The following CD2AP variants were observed in gnomAD, a reference collection of about 807,000 sequenced individuals.
CD2AP encodes the protein CD2 associated protein, also known as CD2-associated protein.
CD2AP carries 46 observed loss-of-function variants against 85.1 expected under a neutral mutation model. The observed-to-expected ratio is 0.54, with a 90% CI of 0.43 to 0.69. CD2AP has a LOEUF of 0.69. CD2AP is among the 30% of genes least tolerant of loss of function. The pLI, the probability that CD2AP is intolerant of heterozygous loss-of-function variation, is 0.00. For missense variants in CD2AP, 769 were observed against 729.5 expected, an observed-to-expected ratio of 1.05 and a Z score of -0.62; for synonymous variants, 255 against 252.9, an observed-to-expected ratio of 1.01 and a Z score of -0.08.
intron 1 of CD2AP, among the ~76,000 whole-genome samples, chr6:47,485,615 A>G (rs1380039970): frequency 3.3e-5 from 5 of 152,178 alleles, no homozygotes; most frequent in African/African-American, 4.8e-5. Context: ...TATGGTGTTT[A>G]TAAAATCTAT....
At chr6:47,622,633 C>T (rs945817796) in intron 17 of CD2AP, among the ~76,000 whole-genome samples, 2 of 152,114 alleles carry the variant, frequency 1.3e-5, no homozygotes, top group East Asian at 1.9e-4. Context: ...GGTGTGTGTT[C>T]GGGAGAGGAG....
intron 2 of CD2AP, among the ~76,000 whole-genome samples, chr6:47,528,806 T>C (rs1434973238): frequency 6.6e-6 from 1 of 152,178 alleles, no homozygotes; most frequent in Non-Finnish European, 1.5e-5. Flanking sequence ...CTAGGAGAGA[T>C]CACAGAGATT....
At chr6:47,556,356 C>T (rs938256618) in intron 5 of CD2AP, among the ~76,000 whole-genome samples, 1 of 151,240 alleles carries the variant, frequency 6.6e-6, no homozygotes, top group African/African-American at 2.4e-5. Context: ...TTTCCAGCTT[C>T]ATTCATGACC....
intron 2 of CD2AP, among the ~76,000 whole-genome samples, chr6:47,532,651 A>G (rs552306816): frequency 1.1e-4 from 16 of 152,076 alleles, no homozygotes; most frequent in South Asian, 6.2e-4. Context: ...GTCTAATTCT[A>G]TCGTTATAGT....
intron 1 of CD2AP, among the ~76,000 whole-genome samples, chr6:47,491,823 TAAA>T (rs1314889917): frequency 6.6e-6 from 1 of 152,066 alleles, no homozygotes; most frequent in Non-Finnish European, 1.5e-5. Context: ...TGATTTTTTT[TAAA>T]AAAGTTATTA....
chr6:47,565,104 A>G (rs1329633303), intron 5 of CD2AP, among the ~76,000 whole-genome samples: 4 of 152,114 alleles, frequency 2.6e-5, no homozygotes, highest in African/African-American at 9.7e-5. Context: ...GTCTTCACAG[A>G]TAATTTATTT....
At chr6:47,491,844 G>GTTTAAAGTT (rs1765744273) in intron 1 of CD2AP, among the ~76,000 whole-genome samples, 1 of 151,854 alleles carries the variant, frequency 6.6e-6, no homozygotes, top group Non-Finnish European at 1.5e-5. Flanking sequence ...TTAACAACTA[G>GTTTAAAGTT]TAAACCCATT....
At chr6:47,605,144 A>G (rs1223786358) in intron 13 of CD2AP, among the ~76,000 whole-genome samples, 15 of 152,094 alleles carry the variant, frequency 9.9e-5, no homozygotes, top group Admixed American at 9.8e-4. Context: ...GCAGATGGTA[A>G]TGTGAAGAAT....
Position 47,478,141 on chromosome 6 carries a change from G to A in CD2AP, c.-104G>A. 1 of 1,434,762 alleles carries A rather than the reference G, an allele frequency of 7.0e-7. No homozygotes were observed. Among genetic ancestry groups the A allele is most frequent in the Non-Finnish European group, 9.6e-7 (1 of 1,043,620 alleles). 88.9% of individuals were successfully genotyped at this position (1,434,762 alleles called of 1,614,324 possible). On this transcript the variant is annotated 5_prime_UTR_variant, in exon 1 of 18. Transcript: ENST00000359314. ...GCCTGAGCTCAGGAGGGGCTAGCGCGGAGCGCGGGTCCCGCCTCCAGCCGC... is the reference window on the plus strand; with the variant it reads ...GCCTGAGCTCAGGAGGGGCTAGCGCAGAGCGCGGGTCCCGCCTCCAGCCGC...
At chr6:47,614,645 A>T (rs1438072253) in intron 17 of CD2AP, among the ~76,000 whole-genome samples, 1 of 152,236 alleles carries the variant, frequency 6.6e-6, no homozygotes, top group Non-Finnish European at 1.5e-5. Flanking sequence ...ACAGTGATAC[A>T]AAGTGATCAC....
intron 5 of CD2AP, among the ~76,000 whole-genome samples, chr6:47,564,082 G>A (rs1414777126): frequency 6.6e-6 from 1 of 152,084 alleles, no homozygotes; most frequent in African/African-American, 2.4e-5. Flanking sequence ...ACATTTATTT[G>A]AGAGTACTCG....
At chr6:47,582,147 T>A (rs2275446) in intron 11 of CD2AP, 82 bp downstream of exon 11, 1 of 874,722 alleles carries the variant, frequency 1.1e-6, no homozygotes, top group South Asian at 1.3e-5. Flanking sequence ...CACACTGAGT[T>A]ATTTACACTG....
chr6:47,572,319 T>C (rs533367903), intron 5 of CD2AP, among the ~76,000 whole-genome samples: 1 of 152,328 alleles, frequency 6.6e-6, no homozygotes, highest in African/African-American at 2.4e-5. Context: ...TTCTGTATCT[T>C]GTTGTATTTA....
intron 3 of CD2AP, among the ~76,000 whole-genome samples, chr6:47,539,578 T>C (rs974860310): frequency 3.3e-5 from 5 of 152,220 alleles, no homozygotes; most frequent in Non-Finnish European, 7.3e-5. Flanking sequence ...ATTCCAGAAA[T>C]GGATATAATT....
intron 2 of CD2AP, among the ~76,000 whole-genome samples, chr6:47,504,616 T>TGAGTCTGCAGTTGTG (rs1361314150): frequency 6.6e-6 from 1 of 152,182 alleles, no homozygotes; most frequent in East Asian, 1.9e-4. Flanking sequence ...TCACAATTGG[T>TGAGTCTGCAGTTGTG]GAGTCTGCAG....
At chr6:47,512,789 C>T (rs529499047) in intron 2 of CD2AP, among the ~76,000 whole-genome samples, 2 of 152,350 alleles carry the variant, frequency 1.3e-5, no homozygotes, top group African/African-American at 4.8e-5. Context: ...GCAGGACCAC[C>T]TGTGTTCTTA....
chr6:47,546,690 AT>A (rs1400437938), intron 4 of CD2AP, among the ~76,000 whole-genome samples: 20 of 152,208 alleles, frequency 1.3e-4, no homozygotes, highest in Non-Finnish European at 2.9e-4. Flanking sequence ...CACCTGGGAA[AT>A]TTATCACAAA....
At chr6:47,520,738 T>G (rs1766567134) in intron 2 of CD2AP, among the ~76,000 whole-genome samples, 1 of 148,348 alleles carries the variant, frequency 6.7e-6, no homozygotes, top group Admixed American at 6.7e-5. Context: ...CAGTTTTTTT[T>G]TTTTTTTTTT....
chr6:47,477,970 C>A lies in CD2AP; in HGVS notation c.-275C>A. On this transcript the variant is annotated 5_prime_UTR_variant, in exon 1 of 18. Coordinates refer to ENST00000359314, the MANE Select transcript of CD2AP (RefSeq NM_012120.3). The stretch of plus-strand genomic sequence containing the variant: ...CCAGGGTGGGAAAACCGCGGTCGGG[C>A]GGGCGGGGTAGGGCCCTCCCGCCGC... 3.8e-6 allele frequency: 2 copies of A among 522,694 alleles called. No individual in the cohort carries two copies. Among genetic ancestry groups the A allele is most frequent in the South Asian group, 2.3e-5 (1 of 43,638 alleles). 32.4% of individuals were successfully genotyped at this position (522,694 alleles called of 1,614,324 possible). A position where few individuals can be genotyped will look rare whatever the true frequency, so the allele number is the denominator to read the frequency against.
Sources: gnomAD v4.1 joint callset for allele counts (sites outside exome capture counted in the v4.1 genomes callset) on GRCh38, gnomAD v4.1.1 for gene constraint, MANE v1.5 for transcripts, NCBI Gene and HGNC (gene_info 2026-07-23, HGNC 2026-07-21) for gene names.